TAS1R3: variants seen among roughly 807,000 people sequenced by gnomAD.
TAS1R3 encodes the protein taste receptor type 1 member 3.
Under a neutral mutation model 46.1 loss-of-function variants are expected in TAS1R3, and 58 were observed. That is an observed-to-expected ratio of 1.26 (90% CI 1.02 to 1.57). The LOEUF (loss-of-function observed/expected upper bound fraction) is 1.57. Among genes scored for constraint, TAS1R3 ranks in the 40% most tolerant of loss-of-function variants. The pLI is 0.00. For missense variants in TAS1R3, 1,422 were observed against 1,185.8 expected, an observed-to-expected ratio of 1.20 and a Z score of -2.93; for synonymous variants, 724 against 544.7, an observed-to-expected ratio of 1.33 and a Z score of -4.58.
rs1451806133 is a variant in TAS1R3, at chr1:1,333,107, C to T, written c.1462C>T (p.His488Tyr). Residue 488 changes from histidine (H) to tyrosine (Y), a missense_variant, in exon 4 of 6, where the codon CAC becomes TAC. Coordinates refer to ENST00000339381, the MANE Select transcript of TAS1R3 (RefSeq NM_152228.3). ...LRTERLKIRW[H>Y]TSDNQKPVSR... The stretch of plus-strand genomic sequence containing the variant: ...GACAGAGCGCCTGAAGATCCGCTGG[C>T]ACACGTCTGACAACCAGGTGAGGTG... 3 of 1,611,814 alleles carry T rather than the reference C, an allele frequency of 1.9e-6. No individual in the cohort carries two copies. The East Asian group carries it at 6.7e-5, about 36-fold the overall frequency.
Position 1,331,769 on chromosome 1 carries a change from T to C in TAS1R3, c.323T>C (p.Val108Ala). 2 of 1,612,888 alleles carry C rather than the reference T, an allele frequency of 1.2e-6. No homozygotes were observed. The highest frequency in any genetic ancestry group is 2.2e-5 in the South Asian group (2 of 91,090). The stretch of plus-strand genomic sequence containing the variant: ...TTTGATACGTGCTCGGAGCCTGTGG[T>C]GGCCATGAAGCCCAGCCTCATGTTC... ...DLFDTCSEPV[V>A]AMKPSLMFLA... The change falls in exon 2 of 6, where the codon GTG becomes GCG. Residue 108 changes from valine (V) to alanine (A), a missense_variant. Coordinates refer to ENST00000339381, the MANE Select transcript of TAS1R3 (RefSeq NM_152228.3).
intron 3 of TAS1R3, 53 bp downstream of exon 3, chr1:1,332,859 G>C: frequency 1.3e-6 from 2 of 1,588,332 alleles, no homozygotes; most frequent in Non-Finnish European, 1.7e-6. Context: ...CAGGCCACCA[G>C]GCACGGCCAC....
At position 1,333,769 on chromosome 1, in the gene TAS1R3, C is replaced by T. The variant is rs768822961; in HGVS notation, c.1864C>T (p.Leu622Phe). 3.1e-6 allele frequency: 5 copies of T among 1,595,660 alleles called. No homozygotes were observed. In the African/African-American group the frequency reaches 4.0e-5, roughly 13 times the overall value. ...CCTGGGCCTGGTCTGCCTCAGCGTC[C>T]TCCTGTTCCCTGGCCAGCCCAGCCC... ...VCLGLVCLSV[L>F]LFPGQPSPAR... Residue 622 changes from leucine to phenylalanine, a missense_variant, in exon 6 of 6, where the codon CTC becomes TTC. Leu to Phe is a conservative substitution (Grantham distance 22). Transcript: ENST00000339381.
rs201680520 is a variant in TAS1R3 at position 1,332,179 on chromosome 1, C to G, written c.648C>G (p.Asp216Glu). 114 of 1,596,372 alleles carry G rather than the reference C, an allele frequency of 7.1e-5. No individual in the cohort carries two copies. In the Middle Eastern group the frequency reaches 8.3e-4, roughly 12 times the overall value. ...GGGTGGCCGCCCTGGGCAGCGACGA[C>G]GAGTACGGCCGGCAGGGCCTGAGCA... ...WNWVAALGSD[D>E]EYGRQGLSIF... is the part of the protein sequence containing the mutation. Residue 216 changes from aspartate (D) to glutamate (E), a missense_variant, in exon 3 of 6, where the codon GAC (aspartate) becomes GAG (glutamate). Physicochemically the swap from Asp to Glu is conservative, Grantham distance 45 (BLOSUM62 2). Coordinates refer to ENST00000339381, the MANE Select transcript of TAS1R3 (RefSeq NM_152228.3).
Position 1,333,911 on chromosome 1 carries a change from C to G in TAS1R3, c.2006C>G (p.Ala669Gly). 1 of 1,600,988 alleles carries G rather than the reference C, an allele frequency of 6.2e-7. No homozygotes were observed. The highest frequency in any genetic ancestry group is 1.3e-5 in the African/African-American group (1 of 74,994). Residue 669 changes from alanine to glycine, a missense_variant, in exon 6 of 6, where the codon GCA (alanine) becomes GGA (glycine). By Grantham distance (60) the Ala-to-Gly change is moderately conservative. Coordinates refer to ENST00000339381, the MANE Select transcript of TAS1R3 (RefSeq NM_152228.3). Reference sequence around the variant, plus strand: ...GAGTCAGAACTGCCTCTGAGCTGGGCAGACCGGCTGAGTGGCTGCCTGCGG... The same window carrying G: ...GAGTCAGAACTGCCTCTGAGCTGGGGAGACCGGCTGAGTGGCTGCCTGCGG... ...FVESELPLSW[A>G]DRLSGCLRGP...
rs765039824 is a variant in TAS1R3, at chr1:1,333,734, G to C, written c.1829G>C (p.Gly610Ala). ...QASGGPLACF[G>A]LVCLGLVCLS... ...TCGGGGGGGCCCCTGGCCTGCTTTG[G>C]CCTGGTGTGCCTGGGCCTGGTCTGC... is the stretch of plus-strand genomic sequence containing the variant. Residue 610 changes from glycine to alanine, a missense_variant, in exon 6 of 6, where the codon GGC (glycine) becomes GCC (alanine). Transcript: ENST00000339381. 1 of 1,603,666 alleles carries C rather than the reference G, an allele frequency of 6.2e-7. No individual in the cohort carries two copies. Among genetic ancestry groups the C allele is most frequent in the Admixed American group, 1.7e-5 (1 of 59,088 alleles).
At position 1,331,357 on chromosome 1, in the gene TAS1R3, T is replaced by C; in HGVS notation, c.12T>C (p.Pro4=). Residue 4 remains proline, a synonymous_variant, in exon 1 of 6, where the codon CCT becomes CCC. Coordinates refer to ENST00000339381, the MANE Select transcript of TAS1R3 (RefSeq NM_152228.3). ...AAGTTGCCTCTGCCATGCTGGGCCC[T>C]GCTGTCCTGGGCCTCAGCCTCTGGG... MLG[P]AVLGLSLWAL... is the part of the protein sequence containing the mutation. The C allele has an allele frequency of 6.3e-7, 1 of 1,587,900 alleles. No individual in the cohort carries two copies. The highest frequency in any genetic ancestry group is 1.8e-5 in the Admixed American group (1 of 54,372).
In TAS1R3 at chr1:1,333,511, A is replaced by T. The variant is rs777811205; in HGVS notation, c.1606A>T (p.Ile536Phe). The T allele has an allele frequency of 1.4e-5, 22 of 1,601,508 alleles. No homozygotes were observed. Among genetic ancestry groups the T allele is most frequent in the Non-Finnish European group, 1.6e-5 (19 of 1,178,554 alleles). The change falls in exon 6 of 6, where the codon ATC becomes TTC. Residue 536 changes from isoleucine to phenylalanine, a missense_variant. Physicochemically the swap from Ile to Phe is conservative, Grantham distance 21. Transcript: ENST00000339381. ...GCCCTTCTCCTCTCTCACAGACGACATCGCCTGCACCTTTTGTGGCCAGGA... is the reference window on the plus strand; with the variant it reads ...GCCCTTCTCCTCTCTCACAGACGACTTCGCCTGCACCTTTTGTGGCCAGGA... Reference protein sequence around the residue: ...AGSYRQNPDDIACTFCGQDEW... With the variant: ...AGSYRQNPDDFACTFCGQDEW...
At position 1,333,264 on chromosome 1, in the gene TAS1R3, C is replaced by T. The variant is rs774633933; in HGVS notation, c.1485C>T (p.Pro495=). ...IRWHTSDNQK[P]VSRCSRQCQE... ...GACCCCAGGCCTGTGCGCAGAAGCC[C>T]GTGTCCCGGTGCTCGCGGCAGTGCC... is the stretch of plus-strand genomic sequence containing the variant. Residue 495 remains proline (P), a synonymous_variant, in exon 5 of 6, where the codon CCC becomes CCT. Coordinates refer to ENST00000339381, the MANE Select transcript of TAS1R3 (RefSeq NM_152228.3). 12 of 1,598,592 alleles carry T rather than the reference C, an allele frequency of 7.5e-6. No individual in the cohort carries two copies. Among genetic ancestry groups the T allele is most frequent in the African/African-American group, 4.0e-5 (3 of 74,718 alleles).
rs145868086 is a variant in TAS1R3 at position 1,331,740 on chromosome 1, C to T, written c.294C>T (p.Asp98=). 14 of 1,612,870 alleles carry T rather than the reference C, an allele frequency of 8.7e-6. No homozygotes were observed. In the Admixed American group the frequency reaches 2.0e-4, roughly 23 times the overall value. The change falls in exon 2 of 6, where the codon GAC becomes GAT. Residue 98 remains aspartate, a synonymous_variant. Coordinates refer to ENST00000339381, the MANE Select transcript of TAS1R3 (RefSeq NM_152228.3). The stretch of plus-strand genomic sequence containing the variant: ...TGCCCGGGCTGCGCCTGGGCTACGA[C>T]CTCTTTGATACGTGCTCGGAGCCTG... The part of the protein sequence containing the change: ...DLLPGLRLGY[D]LFDTCSEPVV...
chr1:1,333,955 G>A lies in TAS1R3; in HGVS notation c.2050G>A (p.Val684Met). The A allele has an allele frequency of 6.2e-7, 1 of 1,600,750 alleles. No homozygotes were observed. The highest frequency in any genetic ancestry group is 1.3e-5 in the African/African-American group (1 of 74,894). ...CCTGCGGGGGCCCTGGGCCTGGCTG[G>A]TGGTGCTGCTGGCCATGCTGGTGGA... ...GCLRGPWAWL[V>M]VLLAMLVEVA... is the part of the protein sequence containing the mutation. The change falls in exon 6 of 6, where the codon GTG becomes ATG. Residue 684 changes from valine (V) to methionine (M), a missense_variant. By Grantham distance (21) the Val-to-Met change is conservative (BLOSUM62 1). Transcript: ENST00000339381.
intron 5 of TAS1R3, 25 bp downstream of exon 5, chr1:1,333,404 G>C (rs1282385978): frequency 1.4e-5 from 23 of 1,611,150 alleles, no homozygotes; most frequent in East Asian, 4.5e-5. Context: ...CGGCAGGCGG[G>C]GGTGGGAACG....
In TAS1R3 at chr1:1,331,481, G is replaced by A. The variant is rs374579945; in HGVS notation, c.136G>A (p.Ala46Thr). 4.4e-6 allele frequency: 7 copies of A among 1,607,114 alleles called. No homozygotes were observed. The African/African-American group carries it at 6.7e-5, about 15-fold the overall frequency. The change falls in exon 1 of 6, where the codon GCC becomes ACC. Residue 46 changes from alanine (A) to threonine (T), a missense_variant. Coordinates refer to ENST00000339381, the MANE Select transcript of TAS1R3 (RefSeq NM_152228.3). Reference protein sequence around the residue: ...VLGGLFPLGEAEEAGLRSRTR... With the variant: ...VLGGLFPLGETEEAGLRSRTR... Reference sequence around the variant, plus strand: ...GGGGGGGCTGTTCCCCCTGGGCGAGGCCGAGGAGGCTGGCCTCCGCAGCCG... The same window carrying A: ...GGGGGGGCTGTTCCCCCTGGGCGAGACCGAGGAGGCTGGCCTCCGCAGCCG...
rs771690079 is a variant in TAS1R3, at chr1:1,332,586, C to G, written c.1055C>G (p.Ser352Cys). 1.2e-6 allele frequency: 2 copies of G among 1,611,620 alleles called. No individual in the cohort carries two copies. Among genetic ancestry groups the G allele is most frequent in the South Asian group, 1.1e-5 (1 of 91,078 alleles). The change falls in exon 3 of 6, where the codon TCT becomes TGT. Residue 352 changes from serine to cysteine, a missense_variant. Coordinates refer to ENST00000339381, the MANE Select transcript of TAS1R3 (RefSeq NM_152228.3). ...LALATDPAFCSALGEREQGLE... is the reference protein window; with the variant it reads ...LALATDPAFCCALGEREQGLE... ...CTGGCCACCGACCCGGCCTTCTGCT[C>G]TGCCCTGGGCGAGAGGGAGCAGGGT...
Position 1,334,519 on chromosome 1 carries a change from A to G in TAS1R3, c.*55A>G. ...CCCAGACTTAGCTGCGATCCCCCCC[A>G]AGCCAGCAATGACCCGTGTCTCGCT... On this transcript the variant is annotated 3_prime_UTR_variant, in exon 6 of 6. Transcript: ENST00000339381. 1 of 1,443,452 alleles carries G rather than the reference A, an allele frequency of 6.9e-7. No individual in the cohort carries two copies. 89.4% of individuals were successfully genotyped at this position (1,443,452 alleles called of 1,614,324 possible). A position where few individuals can be genotyped will look rare whatever the true frequency, so the allele number is the denominator to read the frequency against.
Position 1,333,534 on chromosome 1 carries a change from G to A in TAS1R3, c.1629G>A (p.Gln543=), listed in dbSNP as rs745503982. The change falls in exon 6 of 6, where the codon CAG becomes CAA. Residue 543 remains glutamine (Q), a synonymous_variant. Transcript: ENST00000339381. ...PDDIACTFCG[Q]DEWSPERSTR... ...ACATCGCCTGCACCTTTTGTGGCCA[G>A]GATGAGTGGTCCCCGGAGCGAAGCA... 9 of 1,602,870 alleles carry A rather than the reference G, an allele frequency of 5.6e-6. No homozygotes were observed. Among genetic ancestry groups the A allele is most frequent in the South Asian group, 3.3e-5 (3 of 91,056 alleles).
rs754595900 is a variant in TAS1R3, at chr1:1,332,229, G to A, written c.698G>A (p.Arg233His). The change falls in exon 3 of 6, where the codon CGC becomes CAC. Residue 233 changes from arginine (R) to histidine (H), a missense_variant. Transcript: ENST00000339381. ...LSIFSALAAA[R>H]GICIAHEGLV... The stretch of plus-strand genomic sequence containing the variant: ...ATCTTCTCGGCCCTGGCCGCGGCAC[G>A]CGGCATCTGCATCGCGCACGAGGGC... The A allele has an allele frequency of 1.9e-5, 30 of 1,592,946 alleles. No individual in the cohort carries two copies. Among genetic ancestry groups the A allele is most frequent in the African/African-American group, 2.7e-5 (2 of 74,744 alleles).
chr1:1,333,596 G>T lies in TAS1R3; in HGVS notation c.1691G>T (p.Trp564Leu). The T allele has an allele frequency of 6.2e-7, 1 of 1,609,100 alleles. No homozygotes were observed. ...CFRRRSRFLA[W>L]GEPAVLLLLL... The stretch of plus-strand genomic sequence containing the variant: ...CGCCGCAGGTCTCGGTTCCTGGCAT[G>T]GGGCGAGCCGGCTGTGCTGCTGCTG... The change falls in exon 6 of 6, where the codon TGG becomes TTG. Residue 564 changes from tryptophan to leucine, a missense_variant. Physicochemically the swap from Trp to Leu is moderately conservative, Grantham distance 61 (BLOSUM62 -2). Coordinates refer to ENST00000339381, the MANE Select transcript of TAS1R3 (RefSeq NM_152228.3).
At position 1,333,706 on chromosome 1, in the gene TAS1R3, G is replaced by T. The variant is rs763103776; in HGVS notation, c.1801G>T (p.Ala601Ser). ...VHHRDSPLVQASGGPLACFGL... is the reference protein window; with the variant it reads ...VHHRDSPLVQSSGGPLACFGL... ...CCATCGGGACAGCCCACTGGTTCAG[G>T]CCTCGGGGGGGCCCCTGGCCTGCTT... Residue 601 changes from alanine (A) to serine (S), a missense_variant, in exon 6 of 6, where the codon GCC becomes TCC. Physicochemically the swap from Ala to Ser is moderately conservative, Grantham distance 99. Transcript: ENST00000339381. The T allele has an allele frequency of 1.2e-6, 2 of 1,610,272 alleles. No homozygotes were observed. The highest frequency in any genetic ancestry group is 1.1e-5 in the South Asian group (1 of 90,932).
Sources: allele counts gnomAD v4.1 joint callset, GRCh38; gene constraint gnomAD v4.1.1; transcripts MANE v1.5; gene names NCBI Gene and HGNC (gene_info 2026-07-23, HGNC 2026-07-21).